Variants in RELN observed in about 807,000 individuals in gnomAD.
RELN encodes reelin.
Under a neutral mutation model 427.6 loss-of-function variants are expected in RELN, and 108 were observed. That is an observed-to-expected ratio of 0.25 (90% CI 0.22 to 0.30). The LOEUF is 0.30. RELN is among the 10% of genes least tolerant of loss of function. The probability of loss-of-function intolerance (pLI) is 1.00; values close to 1 mark genes in which losing one functional copy is unlikely to be tolerated. For synonymous variants in RELN, 1,524 were observed against 1,513.4 expected (o/e 1.01, Z -0.16); for missense variants, 3,715 against 4,302.8 (o/e 0.86, Z 3.82).
intron 1 of RELN, among the ~76,000 whole-genome samples, chr7:103,963,395 T>C (rs1228563218): frequency 6.6e-6 from 1 of 152,342 alleles, no homozygotes; most frequent in East Asian, 1.9e-4. Context: ...TATAAGCAGA[T>C]AAACAAAGGC....
At chr7:103,926,627 GTTTTTTTTTTTTTTTT>G (rs60259062) in intron 1 of RELN, among the ~76,000 whole-genome samples, 9 of 99,468 alleles carry the variant, frequency 9.0e-5, no homozygotes, top group African/African-American at 1.4e-4. Context: ...AGTATCATAA[GTTTTTTTTTTTTTTTT>G]TTTTTTTTTT....
intron 20 of RELN, among the ~76,000 whole-genome samples, chr7:103,629,368 AT>A (rs1832401377): frequency 6.6e-6 from 1 of 152,226 alleles, no homozygotes; most frequent in Admixed American, 6.5e-5. Context: ...CTATCCCACA[AT>A]TTTGAAACCC....
At chr7:103,872,273 C>A (rs1367806654) in intron 2 of RELN, among the ~76,000 whole-genome samples, 6 of 125,564 alleles carry the variant, frequency 4.8e-5, no homozygotes, top group Admixed American at 3.5e-4. Context: ...TCCATGTGAT[C>A]TCATTGTTCA....
At chr7:103,701,292 C>T (rs1162912262) in intron 8 of RELN, among the ~76,000 whole-genome samples, 2 of 151,860 alleles carry the variant, frequency 1.3e-5, no homozygotes, top group East Asian at 1.9e-4. Flanking sequence ...TAGTGCTATG[C>T]CAAGAAATAA....
chr7:103,831,908 G>A (rs187372283), intron 3 of RELN, among the ~76,000 whole-genome samples: 29 of 152,262 alleles, frequency 1.9e-4, no homozygotes, highest in Admixed American at 1.5e-3. Flanking sequence ...AAAAACGGGC[G>A]AGAGGTGAGC....
Position 103,496,570 on chromosome 7 carries a change from C to T in RELN, c.9149G>A (p.Gly3050Glu). Residue 3050 changes from glycine to glutamate, a missense_variant, in exon 56 of 65, where the codon GGA becomes GAA. This residue lies in a region of RELN where 1,310 missense variants were observed against 1,643.0 expected (regional missense o/e 0.80). Coordinates refer to ENST00000428762, the MANE Select transcript of RELN (RefSeq NM_005045.4). ...CAATTGGCTGGGATTGATTTCTGCTCCACCAATCAAAATGTTGTCCAGTGC... is the reference window on the plus strand; with the variant it reads ...CAATTGGCTGGGATTGATTTCTGCTTCACCAATCAAAATGTTGTCCAGTGC... ...QWALDNILIGGAEINPSQLVD... is the reference protein window; with the variant it reads ...QWALDNILIGEAEINPSQLVD... 2.5e-6 allele frequency: 4 copies of T among 1,614,146 alleles called. No individual in the cohort carries two copies. Among genetic ancestry groups the T allele is most frequent in the Non-Finnish European group, 3.4e-6 (4 of 1,180,026 alleles).
chr7:103,648,258 G>C (rs930659849), intron 16 of RELN, among the ~76,000 whole-genome samples: 1 of 151,856 alleles, frequency 6.6e-6, no homozygotes, highest in Non-Finnish European at 1.5e-5. Flanking sequence ...AACAAGATTT[G>C]TTTGTTTAAA....
In RELN at chr7:103,773,762, G is replaced by A. The variant is rs753451898; in HGVS notation, c.544+2795C>T. Among the ~76,000 whole-genome samples, 22 of 151,892 alleles carry A rather than the reference G, an allele frequency of 1.4e-4. No homozygotes were observed. In the South Asian group the frequency reaches 2.1e-3, roughly 14 times the overall value. Reference sequence around the variant, plus strand: ...TGGGATTACAGGCATGACCCACTGCGCGCGGCCTCCTCTCCTTTTCTCTTA... The same window carrying A: ...TGGGATTACAGGCATGACCCACTGCACGCGGCCTCCTCTCCTTTTCTCTTA... On this transcript the variant is annotated intron_variant, in intron 4 of 64. Transcript: ENST00000428762.
intron 4 of RELN, among the ~76,000 whole-genome samples, chr7:103,762,733 A>G (rs978177366): frequency 1.3e-5 from 2 of 152,188 alleles, no homozygotes; most frequent in African/African-American, 4.8e-5. Context: ...TTGCTTGTAC[A>G]TATGTCATCT....
At chr7:103,792,246 A>C (rs77839406) in intron 3 of RELN, among the ~76,000 whole-genome samples, 7,512 of 152,270 alleles carry the variant, frequency 0.049, 283 homozygotes, top group African/African-American at 0.11. Flanking sequence ...ACACATGTTC[A>C]CAGAGAAAAA....
chr7:103,788,833 C>A (rs1336493891), intron 3 of RELN, among the ~76,000 whole-genome samples: 1 of 152,146 alleles, frequency 6.6e-6, no homozygotes, highest in Non-Finnish European at 1.5e-5. Flanking sequence ...GAAGAAAAAA[C>A]TACTTTAAAT....
chr7:103,853,577 T>C (rs1446010984), intron 2 of RELN, among the ~76,000 whole-genome samples: 1 of 152,148 alleles, frequency 6.6e-6, no homozygotes, highest in South Asian at 2.1e-4. Context: ...GAGAAACAAA[T>C]TTATTTTTAA....
rs1829540152 is a variant in RELN at position 103,515,439 on chromosome 7, A to T, written c.7865T>A (p.Phe2622Tyr). 1 of 1,613,910 alleles carries T rather than the reference A, an allele frequency of 6.2e-7. No individual in the cohort carries two copies. The change falls in exon 50 of 65, where the codon TTT becomes TAT. Residue 2622 changes from phenylalanine to tyrosine, a missense_variant and splice_region_variant. Phe to Tyr is a conservative substitution (Grantham distance 22). Transcript: ENST00000428762. ...ATCAGGAGGGAGAAGGATATTCACA[A>T]ATCTATAGGAAAATGATGGGGAAGG... Reference protein sequence around the residue: ...IFYDQYSKPGFVNILLPPDAK... With the variant: ...IFYDQYSKPGYVNILLPPDAK...
At chr7:103,808,151 C>A (rs761148870) in intron 3 of RELN, among the ~76,000 whole-genome samples, 2 of 151,796 alleles carry the variant, frequency 1.3e-5, no homozygotes, top group African/African-American at 4.8e-5. Flanking sequence ...ATATGAGAGT[C>A]TCCAGGTAAT....
chr7:103,760,989 A>T (rs1431096817), intron 4 of RELN, among the ~76,000 whole-genome samples: 4 of 137,044 alleles, frequency 2.9e-5, no homozygotes, highest in African/African-American at 1.3e-4. Flanking sequence ...ATTTAGAGTG[A>T]AAACAGTTCT....
At chr7:103,910,957 TCCAAAACA>T (rs2116653042) in intron 2 of RELN, among the ~76,000 whole-genome samples, 1 of 139,344 alleles carries the variant, frequency 7.2e-6, no homozygotes, top group Non-Finnish European at 1.5e-5. Context: ...GGACTTCATG[TCCAAAACA>T]CCAAAAGCAA....
chr7:103,784,220 T>C (rs1369089038), intron 3 of RELN, among the ~76,000 whole-genome samples: 2 of 152,126 alleles, frequency 1.3e-5, no homozygotes, highest in Non-Finnish European at 2.9e-5. Context: ...AGGATCACCA[T>C]TAAGGTGTCA....
intron 3 of RELN, among the ~76,000 whole-genome samples, chr7:103,819,365 A>C (rs2116366425): frequency 1.3e-5 from 2 of 152,270 alleles, no homozygotes; most frequent in Middle Eastern, 3.4e-3. Flanking sequence ...TTTTACAAAA[A>C]AACAAAAACA....
chr7:103,688,354 C>T (rs763536903), intron 10 of RELN, among the ~76,000 whole-genome samples: 1 of 152,022 alleles, frequency 6.6e-6, no homozygotes, highest in Non-Finnish European at 1.5e-5. Context: ...AAAAGTAAAT[C>T]TGATTTTCTC....
Sources: gnomAD v4.1 joint callset for allele counts (sites outside exome capture counted in the v4.1 genomes callset) on GRCh38, gnomAD v4.1.1 for gene constraint, gnomAD v4.1.1 regional missense constraint, MANE v1.5 for transcripts, NCBI Gene and HGNC (gene_info 2026-07-23, HGNC 2026-07-21) for gene names.